Variants in THSD4 observed in about 807,000 individuals in gnomAD.
The protein encoded by THSD4 is thrombospondin type 1 domain containing 4.
Under a neutral mutation model 119.0 loss-of-function variants are expected in THSD4, and 69 were observed. The observed-to-expected ratio is 0.58, with a 90% CI of 0.48 to 0.71. The LOEUF is 0.71. THSD4 is among the 30% of genes least tolerant of loss of function. The pLI is 0.00. For missense variants in THSD4, 1,393 were observed against 1,391.1 expected, an observed-to-expected ratio of 1.00 and a Z score of -0.02; for synonymous variants, 524 against 540.4, an observed-to-expected ratio of 0.97 and a Z score of 0.42.
chr15:71,610,756 GC>G (rs1166944448), intron 7 of THSD4, among the ~76,000 whole-genome samples: 1 of 152,130 alleles, frequency 6.6e-6, no homozygotes, highest in Non-Finnish European at 1.5e-5. Flanking sequence ...CATCTTTATA[GC>G]TCTTTCCTTA....
intron 7 of THSD4, among the ~76,000 whole-genome samples, chr15:71,579,343 GTCC>G (rs1326811443): frequency 1.3e-5 from 2 of 152,178 alleles, no homozygotes; most frequent in African/African-American, 4.8e-5. Flanking sequence ...GAGCCAGAAT[GTCC>G]TCCTGAGAAG....
intron 7 of THSD4, among the ~76,000 whole-genome samples, chr15:71,497,695 G>A (rs985033569): frequency 6.6e-6 from 1 of 152,106 alleles, no homozygotes; most frequent in Admixed American, 6.5e-5. Context: ...AGCATTACTT[G>A]CCAAGCTAGC....
chr15:71,678,638 C>G (rs1363875195), intron 8 of THSD4, among the ~76,000 whole-genome samples: 1 of 152,218 alleles, frequency 6.6e-6, no homozygotes, highest in Non-Finnish European at 1.5e-5. Flanking sequence ...CTTTCTCCCT[C>G]TCATCATGAA....
chr15:71,712,900 CAG>C (rs1167765934), intron 8 of THSD4, among the ~76,000 whole-genome samples: 1 of 152,090 alleles, frequency 6.6e-6, no homozygotes, highest in Non-Finnish European at 1.5e-5. Flanking sequence ...GTGTGGAGAA[CAG>C]AGCAGTGGTT....
At chr15:71,285,931 A>G (rs1415839534) in intron 6 of THSD4, among the ~76,000 whole-genome samples, 2 of 148,200 alleles carry the variant, frequency 1.3e-5, no homozygotes, top group East Asian at 3.9e-4. Context: ...CTTTATTAAT[A>G]TCATTGCAAG....
Position 71,104,364 on chromosome 15 carries a change from C to T in THSD4, c.-80+7358C>T, listed in dbSNP as rs76536243. Among the ~76,000 whole-genome samples, 437 of 152,226 alleles carry T rather than the reference C, an allele frequency of 2.9e-3. 2 individuals carry two copies. Among genetic ancestry groups the T allele is most frequent in the African/African-American group, 0.01 (425 of 41,538 alleles). On this transcript the variant is annotated intron_variant, in intron 1 of 17. Transcript: ENST00000355327. ...TGACAGCAAATGTGTGGGGCTTTTTCTCCATCCCAAGAAGTTCTCCAATTC... is the reference window on the plus strand; with the variant it reads ...TGACAGCAAATGTGTGGGGCTTTTTTTCCATCCCAAGAAGTTCTCCAATTC...
At chr15:71,296,355 CCCAGGAAT>C (rs1370044183) in intron 6 of THSD4, among the ~76,000 whole-genome samples, 5 of 152,182 alleles carry the variant, frequency 3.3e-5, no homozygotes, top group Non-Finnish European at 5.9e-5. Context: ...TGGCATGGGG[CCCAGGAAT>C]CTGCATTTTA....
In THSD4 at chr15:71,708,713, TGTTTA is replaced by T. The variant is rs1164069052; in HGVS notation, c.1358-19831_1358-19827del. ...TGACCTGGAGTGTCTTTTGGTGTTTTGTTTAGTTTGGTTTGGTTTGGTTTTTGGCT... is the reference window on the plus strand; with the variant it reads ...TGACCTGGAGTGTCTTTTGGTGTTTTGTTTGGTTTGGTTTGGTTTTTGGCT... On this transcript the variant is annotated intron_variant, in intron 8 of 17. Coordinates refer to ENST00000261862, the MANE Select transcript of THSD4 (RefSeq NM_024817.3). Among the ~76,000 whole-genome samples the T allele has an allele frequency of 2.6e-5, 4 of 152,226 alleles. No individual in the cohort carries two copies. In the East Asian group the frequency reaches 7.7e-4, roughly 29 times the overall value.
At chr15:71,397,188 G>T (rs2046465193) in intron 6 of THSD4, among the ~76,000 whole-genome samples, 1 of 152,110 alleles carries the variant, frequency 6.6e-6, no homozygotes, top group African/African-American at 2.4e-5. Context: ...GTGCTTCGTG[G>T]TCCTGGCCTT....
chr15:71,294,210 C>T (rs1445732751), intron 6 of THSD4, among the ~76,000 whole-genome samples: 1 of 152,128 alleles, frequency 6.6e-6, no homozygotes, highest in African/African-American at 2.4e-5. Context: ...TCATGAGTGG[C>T]GAGCTTCTGT....
In THSD4 at chr15:71,746,267, G is replaced by A. The variant is rs149579143; in HGVS notation, c.2037-571G>A. On this transcript the variant is annotated intron_variant, in intron 12 of 17. Coordinates refer to ENST00000261862, the MANE Select transcript of THSD4 (RefSeq NM_024817.3). ...TTAATTAGATAAAAATCATTTGTAC[G>A]TTTTCAGTTTTCTATAACTTTTCAT... 7.2e-5 allele frequency among the ~76,000 whole-genome samples: 11 copies of A among 151,944 alleles called. No individual in the cohort carries two copies. In the East Asian group the frequency reaches 1.2e-3, roughly 16 times the overall value.
At chr15:71,338,504 C>G (rs1309505417) in intron 6 of THSD4, among the ~76,000 whole-genome samples, 1 of 152,118 alleles carries the variant, frequency 6.6e-6, no homozygotes, top group Non-Finnish European at 1.5e-5. Context: ...ATACACTGAT[C>G]TACTCTGCAG....
rs2040252824 is a variant in THSD4, at chr15:71,101,346, A to G, written c.-80+4340A>G. Among the ~76,000 whole-genome samples, 3 of 152,186 alleles carry G rather than the reference A, an allele frequency of 2.0e-5. 1 individual carries two copies. The highest frequency in any genetic ancestry group is 2.0e-4 in the Admixed American group (3 of 15,284). The stretch of plus-strand genomic sequence containing the variant: ...GATATAAATATTAGATCTTCTCACC[A>G]TATAGGTACCTTTGGCATCCCCTGT... On this transcript the variant is annotated intron_variant, in intron 1 of 17. Transcript: ENST00000355327.
At chr15:71,225,924 C>T (rs1035774953) in intron 4 of THSD4, among the ~76,000 whole-genome samples, 1 of 152,114 alleles carries the variant, frequency 6.6e-6, no homozygotes, top group Non-Finnish European at 1.5e-5. Flanking sequence ...CAATTCCCTC[C>T]ATTCAGACTT....
intron 5 of THSD4, among the ~76,000 whole-genome samples, chr15:71,247,796 A>G (rs569757336): frequency 3.9e-5 from 6 of 152,358 alleles, no homozygotes; most frequent in African/African-American, 1.4e-4. Context: ...GATGAGGGCT[A>G]AAAGTAATAG....
chr15:71,519,681 T>C (rs537762833), intron 7 of THSD4, among the ~76,000 whole-genome samples: 2 of 152,358 alleles, frequency 1.3e-5, no homozygotes, highest in East Asian at 3.9e-4. Flanking sequence ...TGTTGAAAGA[T>C]AACTCTGGTT....
intron 7 of THSD4, among the ~76,000 whole-genome samples, chr15:71,588,192 G>C (rs2049721363): frequency 6.6e-6 from 1 of 151,132 alleles, no homozygotes; most frequent in Non-Finnish European, 1.5e-5. Context: ...TGTAGTCCCA[G>C]CTACTCGGGA....
chr15:71,591,018 A>AAAAAAAAAAAAAAAAAAAAAAAAAAAAAT (rs2049789839), intron 7 of THSD4, among the ~76,000 whole-genome samples: 1 of 149,058 alleles, frequency 6.7e-6, no homozygotes. Context: ...AAAAAAAAAA[A>AAAAAAAAAAAAAAAAAAAAAAAAAAAAAT]AAAAAAAAAA....
chr15:71,435,613 C>T (rs570646708), intron 7 of THSD4, among the ~76,000 whole-genome samples: 11 of 152,082 alleles, frequency 7.2e-5, no homozygotes, highest in South Asian at 4.2e-4. Context: ...TAAATGGGTG[C>T]GAAAGATGCA....
Sources: allele counts gnomAD v4.1 joint callset (sites outside exome capture counted in the v4.1 genomes callset), GRCh38; gene constraint gnomAD v4.1.1; transcripts MANE v1.5; gene names NCBI Gene and HGNC (gene_info 2026-07-23, HGNC 2026-07-21).